BAZ2B: variants seen among roughly 807,000 people sequenced by gnomAD.
BAZ2B encodes bromodomain adjacent to zinc finger domain protein 2B.
Under a neutral mutation model 246.0 loss-of-function variants are expected in BAZ2B, and 91 were observed. That is an observed-to-expected ratio of 0.37 (90% CI 0.31 to 0.44). The LOEUF is 0.44. Ranked by LOEUF, BAZ2B falls within the 20% of genes least tolerant of loss-of-function variation. The pLI is 1.00. For synonymous variants in BAZ2B, 855 were observed against 860.0 expected, an observed-to-expected ratio of 0.99 and a Z score of 0.10; for missense variants, 2,332 against 2,533.7, an observed-to-expected ratio of 0.92 and a Z score of 1.71.
chr2:159,546,365 T>C (rs2087350222), intron 2 of BAZ2B, among the ~76,000 whole-genome samples: 1 of 151,638 alleles, frequency 6.6e-6, no homozygotes. Flanking sequence ...ATGTGAGACG[T>C]GACTCCTTCA....
chr2:159,608,295 A>G (rs1448118796), intron 1 of BAZ2B, among the ~76,000 whole-genome samples: 1 of 152,188 alleles, frequency 6.6e-6, no homozygotes, highest in Non-Finnish European at 1.5e-5. Context: ...GGATCCCTTG[A>G]GCTCAGGAGG....
chr2:159,424,367 C>T (rs1034795646), intron 13 of BAZ2B, among the ~76,000 whole-genome samples: 1 of 151,924 alleles, frequency 6.6e-6, no homozygotes, highest in Non-Finnish European at 1.5e-5. Context: ...GCTGAATGGC[C>T]TTTTATGTAA....
intron 27 of BAZ2B, among the ~76,000 whole-genome samples, chr2:159,357,592 C>T (rs1359194935): frequency 1.3e-5 from 2 of 151,740 alleles, no homozygotes; most frequent in African/African-American, 2.4e-5. Flanking sequence ...GCAAGACAGG[C>T]CAACATTAAA....
At chr2:159,331,967 G>A (rs1471454147) in intron 34 of BAZ2B, among the ~76,000 whole-genome samples, 1 of 152,148 alleles carries the variant, frequency 6.6e-6, no homozygotes, top group Non-Finnish European at 1.5e-5. Flanking sequence ...AAGTGCTACA[G>A]GGAGTGAACT....
intron 28 of BAZ2B, 86 bp from the exon 29 acceptor site, chr2:159,349,366 A>G: frequency 1.5e-6 from 2 of 1,309,984 alleles, no homozygotes; most frequent in Non-Finnish European, 2.0e-6. Context: ...TATTTTTCAA[A>G]TTCCAAAAAA....
intron 5 of BAZ2B, among the ~76,000 whole-genome samples, chr2:159,447,183 C>T (rs997074472): frequency 6.6e-6 from 1 of 150,622 alleles, no homozygotes; most frequent in East Asian, 1.9e-4. Context: ...GCTTCCAGGG[C>T]TGAGAGAGAG....
At chr2:159,447,452 A>T (rs1312117164) in intron 5 of BAZ2B, among the ~76,000 whole-genome samples, 2 of 152,242 alleles carry the variant, frequency 1.3e-5, no homozygotes, top group East Asian at 3.8e-4. Flanking sequence ...CACTTCAGTG[A>T]AAAGAAAGAT....
At chr2:159,667,580 AGT>A in the BAZ2B span, among the ~76,000 whole-genome samples, 1 of 150,774 alleles carries the variant, frequency 6.6e-6, no homozygotes, top group Non-Finnish European at 1.5e-5. Context: ...TGGGTGACAG[AGT>A]GTGACTCTGT....
At chr2:159,358,835 AC>A (rs2149260268) in intron 27 of BAZ2B, among the ~76,000 whole-genome samples, 1 of 152,328 alleles carries the variant, frequency 6.6e-6, no homozygotes, top group Admixed American at 6.5e-5. Flanking sequence ...CTACATGGAA[AC>A]TGAACAACCT....
downstream of BAZ2B, among the ~76,000 whole-genome samples, chr2:159,318,624 T>C (rs1262965136): frequency 6.6e-6 from 1 of 152,252 alleles, no homozygotes; most frequent in Non-Finnish European, 1.5e-5. Context: ...GAGAAATACA[T>C]GTCTTATTAG....
intron 2 of BAZ2B, among the ~76,000 whole-genome samples, chr2:159,520,808 C>A (rs1245676872): frequency 2.6e-5 from 4 of 152,122 alleles, no homozygotes; most frequent in Admixed American, 6.5e-5. Flanking sequence ...AAAACCAAAT[C>A]TATTTTGTAA....
intron 36 of BAZ2B, among the ~76,000 whole-genome samples, chr2:159,323,773 A>G (rs1032530656): frequency 1.3e-5 from 2 of 150,976 alleles, no homozygotes; most frequent in African/African-American, 4.9e-5. Context: ...ACTGCACTCC[A>G]GCTTGGGCAA....
chr2:159,684,092 C>T, the BAZ2B span, among the ~76,000 whole-genome samples: 1 of 152,220 alleles, frequency 6.6e-6, no homozygotes, highest in Admixed American at 6.5e-5. Flanking sequence ...TTGAGTCTGG[C>T]TTCTGTCACT....
At chr2:159,435,872 AC>A (rs1355192257) in intron 8 of BAZ2B, among the ~76,000 whole-genome samples, 1 of 152,240 alleles carries the variant, frequency 6.6e-6, no homozygotes, top group Non-Finnish European at 1.5e-5. Flanking sequence ...TAACATCTAT[AC>A]TGTATTAGTT....
chr2:159,690,435 C>T, the BAZ2B span: 2 of 157,966 alleles, frequency 1.3e-5, no homozygotes, highest in African/African-American at 4.8e-5. Context: ...ACATTTATTC[C>T]TAAGTATTTT....
intron 1 of BAZ2B, among the ~76,000 whole-genome samples, chr2:159,583,765 G>A (rs1687391404): frequency 6.6e-6 from 1 of 152,182 alleles, no homozygotes; most frequent in South Asian, 2.1e-4. Flanking sequence ...AAATAAAGCA[G>A]AAAAAGAGAG....
chr2:159,676,360 T>A, the BAZ2B span, among the ~76,000 whole-genome samples: 2 of 152,214 alleles, frequency 1.3e-5, no homozygotes, highest in South Asian at 4.1e-4. Flanking sequence ...ATAAGATATC[T>A]TGTAAACTTA....
chr2:159,613,878 G>A (rs950261392), intron 1 of BAZ2B, among the ~76,000 whole-genome samples: 2 of 152,086 alleles, frequency 1.3e-5, no homozygotes, highest in Admixed American at 1.3e-4. Flanking sequence ...CAAATTCCTG[G>A]ATAAATAGAT....
Position 159,480,228 on chromosome 2 carries a change from C to T in BAZ2B, c.-2-1507G>A, listed in dbSNP as rs369834764. Among the ~76,000 whole-genome samples the T allele has an allele frequency of 3.0e-4, 46 of 152,066 alleles. 1 individual carries two copies. The highest frequency in any genetic ancestry group is 1.1e-3 in the African/African-American group (45 of 41,522). On this transcript the variant is annotated intron_variant, in intron 2 of 36. Coordinates refer to ENST00000392783, the MANE Select transcript of BAZ2B (RefSeq NM_013450.4). ...ACCTCATTGTCTTCAAGAATTCTAT[C>T]TGCTACGTAAATATACTATGTAAAA... is the stretch of plus-strand genomic sequence containing the variant.
Sources: allele counts gnomAD v4.1 joint callset (sites outside exome capture counted in the v4.1 genomes callset), GRCh38; gene constraint gnomAD v4.1.1; transcripts MANE v1.5; gene names NCBI Gene and HGNC (gene_info 2026-07-23, HGNC 2026-07-21).